The following SERINC1 variants were observed in gnomAD, a reference collection of about 807,000 sequenced individuals.
SERINC1 encodes the protein serine incorporator 1.
SERINC1 carries 38 observed loss-of-function variants against 52.9 expected under a neutral mutation model. The observed-to-expected ratio is 0.72, with a 90% confidence interval of 0.55 to 0.94. SERINC1 has a LOEUF of 0.94. Ranked by LOEUF, SERINC1 falls within the 40% of genes least tolerant of loss-of-function variation. SERINC1 has a pLI of 0.00. For synonymous variants in SERINC1, 198 were observed against 183.1 expected, an observed-to-expected ratio of 1.08 and a Z score of -0.66; for missense variants, 471 against 533.9, an observed-to-expected ratio of 0.88 and a Z score of 1.16.
At chr6:122,466,166 C>A (rs1036931129) in intron 1 of SERINC1, among the ~76,000 whole-genome samples, 2 of 152,040 alleles carry the variant, frequency 1.3e-5, no homozygotes, top group East Asian at 3.9e-4. Context: ...CGGAATTGCT[C>A]GAACTTGGGA....
At chr6:122,457,488 A>G (rs1775018603) in intron 2 of SERINC1, among the ~76,000 whole-genome samples, 1 of 152,176 alleles carries the variant, frequency 6.6e-6, no homozygotes, top group Non-Finnish European at 1.5e-5. Flanking sequence ...ACCCAAAATT[A>G]AATGCTGAAA....
Position 122,446,847 on chromosome 6 carries a change from T to C in SERINC1, c.1153A>G (p.Ser385Gly). Residue 385 changes from serine (S) to glycine (G), a missense_variant, in exon 9 of 10, where the codon AGT becomes GGT. Transcript: ENST00000339697. Reference protein sequence around the residue: ...VDNERDGVTYSYSFFHFMLFL... With the variant: ...VDNERDGVTYGYSFFHFMLFL... Reference sequence around the variant, plus strand: ...AGCATGAAGTGAAAGAAGGAATAACTGTAAGTGACACCATCCCTTTCATTA... The same window carrying C: ...AGCATGAAGTGAAAGAAGGAATAACCGTAAGTGACACCATCCCTTTCATTA... The C allele has an allele frequency of 1.2e-6, 2 of 1,614,084 alleles. No individual in the cohort carries two copies. The highest frequency in any genetic ancestry group is 1.7e-6 in the Non-Finnish European group (2 of 1,179,956).
chr6:122,448,951 T>A (rs1319408783), intron 7 of SERINC1, among the ~76,000 whole-genome samples: 1 of 152,182 alleles, frequency 6.6e-6, no homozygotes. Flanking sequence ...ATTTCACAAT[T>A]TGTCATTATT....
chr6:122,447,974 C>T (rs984242004), intron 7 of SERINC1, among the ~76,000 whole-genome samples: 31 of 151,834 alleles, frequency 2.0e-4, no homozygotes, highest in Admixed American at 1.7e-3. Context: ...ATCAGCTGGG[C>T]GTGGTGGCAT....
intron 1 of SERINC1, among the ~76,000 whole-genome samples, chr6:122,464,182 C>T (rs1004551125): frequency 6.6e-6 from 1 of 152,028 alleles, no homozygotes; most frequent in Non-Finnish European, 1.5e-5. Flanking sequence ...TGTTCCAAAA[C>T]GGTTACACGA....
intron 3 of SERINC1, among the ~76,000 whole-genome samples, chr6:122,455,547 T>A (rs1233826020): frequency 1.3e-5 from 2 of 150,684 alleles, no homozygotes; most frequent in African/African-American, 5.0e-5. Flanking sequence ...AGCTTGCAGA[T>A]GGCCTATTGT....
intron 1 of SERINC1, 110 bp downstream of exon 1, chr6:122,471,589 C>T (rs1260019554): frequency 7.7e-7 from 1 of 1,302,204 alleles, no homozygotes; most frequent in Admixed American, 1.8e-5. Context: ...GAGGGCACTC[C>T]CTGTTGGGTG....
At chr6:122,445,987 G>A (rs1362639272) in intron 9 of SERINC1, among the ~76,000 whole-genome samples, 1 of 150,834 alleles carries the variant, frequency 6.6e-6, no homozygotes, top group African/African-American at 2.4e-5. Flanking sequence ...ATCAGTAAAG[G>A]CTGCACTCAA....
intron 5 of SERINC1, among the ~76,000 whole-genome samples, chr6:122,452,970 C>A (rs754843117): frequency 1.3e-5 from 2 of 152,138 alleles, no homozygotes; most frequent in Non-Finnish European, 2.9e-5. Context: ...GAAACTCAGT[C>A]ATTTAGCATG....
chr6:122,451,935 G>C lies in SERINC1; in HGVS notation c.712C>G (p.Leu238Val). 2 of 1,597,440 alleles carry C rather than the reference G, an allele frequency of 1.3e-6. No homozygotes were observed. Among genetic ancestry groups the C allele is most frequent in the Non-Finnish European group, 1.7e-6 (2 of 1,172,808 alleles). Residue 238 changes from leucine to valine, a missense_variant, in exon 6 of 10, where the codon CTC (leucine) becomes GTC (valine). Physicochemically the swap from Leu to Val is conservative, Grantham distance 32. Coordinates refer to ENST00000339697, the MANE Select transcript of SERINC1 (RefSeq NM_020755.4). ...ATTACAGAAGCACCAACGCAGAGGAGCATGTTGACACTGATGAACGCCTTG... is the reference window on the plus strand; with the variant it reads ...ATTACAGAAGCACCAACGCAGAGGACCATGTTGACACTGATGAACGCCTTG... The part of the protein sequence containing the change: ...ENKAFISVNM[L>V]LCVGASVMSI...
chr6:122,461,047 T>C (rs1332559279), intron 1 of SERINC1, among the ~76,000 whole-genome samples: 1 of 152,098 alleles, frequency 6.6e-6, no homozygotes, highest in African/African-American at 2.4e-5. Flanking sequence ...GATCAGAACA[T>C]TGTGAGACAA....
At position 122,471,729 on chromosome 6, in the gene SERINC1, G is replaced by A. The variant is rs746767805; in HGVS notation, c.9C>T (p.Ser3=). The change falls in exon 1 of 10, where the codon AGC becomes AGT. Residue 3 remains serine, a synonymous_variant. Coordinates refer to ENST00000339697, the MANE Select transcript of SERINC1 (RefSeq NM_020755.4). MG[S]VLGLCSMASW... ...TCGCCATGGAGCACAGCCCCAGGAC[G>A]CTCCCCATCTCCACAACGTCACAAG... 8 of 1,613,978 alleles carry A rather than the reference G, an allele frequency of 5.0e-6. No individual in the cohort carries two copies. The highest frequency in any genetic ancestry group is 1.6e-4 in the Middle Eastern group (1 of 6,084).
Position 122,445,995 on chromosome 6 carries a change from C to CA in SERINC1, c.1226+778dup, listed in dbSNP as rs201691438. Among the ~76,000 whole-genome samples, 331 of 151,398 alleles carry CA rather than the reference C, an allele frequency of 2.2e-3. 8 individuals are homozygous for CA. In the East Asian group the frequency reaches 0.043, roughly 20 times the overall value. The stretch of plus-strand genomic sequence containing the variant: ...AATAAAAATCAGTAAAGGCTGCACT[C>CA]AAAGACATACAACAAAGAATAATCT... On this transcript the variant is annotated intron_variant, in intron 9 of 9. Transcript: ENST00000339697.
chr6:122,449,990 T>C (rs1003156757), intron 7 of SERINC1, among the ~76,000 whole-genome samples: 7 of 151,900 alleles, frequency 4.6e-5, no homozygotes, highest in African/African-American at 1.7e-4. Flanking sequence ...CTCCAGCCTG[T>C]GCAACAAGAG....
At chr6:122,452,538 T>G (rs2114479097) in intron 5 of SERINC1, among the ~76,000 whole-genome samples, 1 of 152,328 alleles carries the variant, frequency 6.6e-6, no homozygotes, top group Admixed American at 6.5e-5. Context: ...AAGATACATA[T>G]TATGCAAGGG....
chr6:122,469,489 G>A (rs1487583775), intron 1 of SERINC1, among the ~76,000 whole-genome samples: 1 of 150,514 alleles, frequency 6.6e-6, no homozygotes, highest in Admixed American at 6.6e-5. Context: ...AGATTCTCCT[G>A]CCTCAGCCAC....
At chr6:122,454,505 G>A in intron 3 of SERINC1, 1 of 298,344 alleles carries the variant, frequency 3.4e-6, no homozygotes, top group Non-Finnish European at 6.5e-6. Flanking sequence ...AAAAAACAAA[G>A]CAAAAAAAAT....
In SERINC1 at chr6:122,445,123, G is replaced by C. The variant is rs149693952; in HGVS notation, c.1283C>G (p.Ser428Cys). Residue 428 changes from serine to cysteine, a missense_variant, in exon 10 of 10, where the codon TCT becomes TGT. Ser to Cys is a moderately radical substitution (Grantham distance 112, BLOSUM62 -1). Transcript: ENST00000339697. Reference sequence around the variant, plus strand: ...CAGCACGATGCCAATCCAACTGGAAGAGATTTTCACCCAGACAGCTGTCCA... The same window carrying C: ...CAGCACGATGCCAATCCAACTGGAACAGATTTTCACCCAGACAGCTGTCCA... ...SQWTAVWVKI[S>C]SSWIGIVLYV... 606 of 1,614,088 alleles carry C rather than the reference G, an allele frequency of 3.8e-4. 3 individuals carry two copies. In the African/African-American group the frequency reaches 6.2e-3, roughly 16 times the overall value.
At chr6:122,466,973 G>A (rs1775201664) in intron 1 of SERINC1, among the ~76,000 whole-genome samples, 1 of 152,180 alleles carries the variant, frequency 6.6e-6, no homozygotes, top group Non-Finnish European at 1.5e-5. Flanking sequence ...CTACAAAGGA[G>A]CATCAAAATT....
Sources: allele counts gnomAD v4.1 joint callset (sites outside exome capture counted in the v4.1 genomes callset), GRCh38; gene constraint gnomAD v4.1.1; transcripts MANE v1.5; gene names NCBI Gene and HGNC (gene_info 2026-07-23, HGNC 2026-07-21).